Variants in ANKDD1A observed in about 807,000 individuals in gnomAD.
ANKDD1A encodes the protein ankyrin repeat and death domain containing 1A, also known as ankyrin repeat and death domain-containing protein 1A.
In ANKDD1A, 59 loss-of-function variants were observed where a neutral mutation model predicts 63.5. The observed-to-expected ratio is 0.93, with a 90% CI of 0.75 to 1.15. The LOEUF is 1.15. ANKDD1A is among the 50% of genes most tolerant of loss of function. The pLI is 0.00. For missense variants in ANKDD1A, 632 were observed against 656.4 expected, an observed-to-expected ratio of 0.96 and a Z score of 0.41; for synonymous variants, 266 against 263.9, an observed-to-expected ratio of 1.01 and a Z score of -0.08.
rs1277861527 is a variant in ANKDD1A, at chr15:64,945,607, C to CTTATATATATATATAT, written c.1161+860_1161+861insTTATATATATATATAT. Among the ~76,000 whole-genome samples the CTTATATATATATATAT allele has an allele frequency of 1.4e-3, 105 of 73,848 alleles. 9 individuals carry two copies. The highest frequency in any genetic ancestry group is 5.4e-3 in the African/African-American group (87 of 16,188). The allele number at this position is 73,848 out of a possible 152,430, so 48.4% of individuals were successfully genotyped here. A position where few individuals can be genotyped will look rare whatever the true frequency, so the allele number is the denominator to read the frequency against. On this transcript the variant is annotated intron_variant, in intron 12 of 14. Transcript: ENST00000319580. ...TTAGAGGGATTAAATGCATTTTCAA[C>CTTATATATATATATAT]ATATATATATATATATATATATATG...
At chr15:64,951,588 T>TTTC (rs141894830) in intron 14 of ANKDD1A, among the ~76,000 whole-genome samples, 60,512 of 106,662 alleles carry the variant, frequency 0.57, 14,769 homozygotes, top group South Asian at 0.69. Flanking sequence ...TCTTCTTCCT[T>TTTC]TTCTTTCTTC....
chr15:64,950,928 G>A (rs752653784), intron 14 of ANKDD1A: 5 of 1,269,164 alleles, frequency 3.9e-6, no homozygotes, highest in Admixed American at 2.5e-5. Context: ...AGGCAACAGA[G>A]GAAGTAAGAT....
intron 12 of ANKDD1A, among the ~76,000 whole-genome samples, chr15:64,946,965 A>G (rs2085227985): frequency 6.6e-6 from 1 of 152,180 alleles, no homozygotes; most frequent in African/African-American, 2.4e-5. Context: ...TTGTAATCCC[A>G]CCCTTTACTA....
At chr15:64,953,168 CTT>C (rs1743517191) in intron 14 of ANKDD1A, among the ~76,000 whole-genome samples, 40 of 85,968 alleles carry the variant, frequency 4.7e-4, no homozygotes, top group African/African-American at 1.3e-3. Flanking sequence ...TTCTTTCCTT[CTT>C]TTCTTCTTTT....
chr15:64,926,001 A>T, intron 4 of ANKDD1A, 65 bp from the exon 5 acceptor site: 1 of 1,428,712 alleles, frequency 7.0e-7, no homozygotes, highest in Non-Finnish European at 9.7e-7. Flanking sequence ...TGTTTGGGAG[A>T]CTGGCAGTGT....
At position 64,926,885 on chromosome 15, in the gene ANKDD1A, T is replaced by C; in HGVS notation, c.472-16T>C. On this transcript the variant is annotated splice_polypyrimidine_tract_variant and intron_variant, in intron 5 of 14. Coordinates refer to ENST00000319580, the MANE Select transcript of ANKDD1A (RefSeq NM_182703.6). ...ACAGAGTGAGGAAGGCTCACACCGC[T>C]TCTCCTCCCGGCCAGCTGGGGAGGA... 3 of 1,613,926 alleles carry C rather than the reference T, an allele frequency of 1.9e-6. No homozygotes were observed. The South Asian group carries it at 3.3e-5, about 18-fold the overall frequency.
chr15:64,943,721 GCCT>G, intron 11 of ANKDD1A, 139 bp downstream of exon 11: 1 of 780,606 alleles, frequency 1.3e-6, no homozygotes, highest in Non-Finnish European at 2.1e-6. Flanking sequence ...CTCAAATGCA[GCCT>G]CCTCCAGGAA....
rs568359711 is a variant in ANKDD1A, at chr15:64,950,795, G to A, written c.1483+823G>A. ...TGGAAAAGCTAAGACTCATTTCAGG[G>A]TAGAGAGATTAGGGACGCTACCTTT... On this transcript the variant is annotated intron_variant, in intron 14 of 14. Transcript: ENST00000319580. The A allele has an allele frequency of 6.1e-5, 61 of 1,005,590 alleles. No homozygotes were observed. In the South Asian group the frequency reaches 1.7e-3, roughly 28 times the overall value. The allele number at this position is 1,005,590 out of a possible 1,614,324, so 62.3% of individuals were successfully genotyped here.
intron 9 of ANKDD1A, among the ~76,000 whole-genome samples, chr15:64,937,960 T>C (rs1027484916): frequency 2.0e-5 from 3 of 151,880 alleles, no homozygotes; most frequent in Non-Finnish European, 4.4e-5. Context: ...AAAGGAGCAC[T>C]CCATTAAAAA....
intron 14 of ANKDD1A, among the ~76,000 whole-genome samples, chr15:64,953,533 C>CT (rs2085344497): frequency 1.5e-4 from 5 of 32,958 alleles, no homozygotes; most frequent in African/African-American, 4.8e-4. Context: ...TCCTTCTTCT[C>CT]CTCTCCTTCT....
chr15:64,917,573 G>T, intron 3 of ANKDD1A, 59 bp downstream of exon 3: 1 of 1,519,834 alleles, frequency 6.6e-7, no homozygotes, highest in Non-Finnish European at 8.9e-7. Context: ...GATCTCTCTG[G>T]GTCTATGAGC....
At chr15:64,924,777 G>A (rs2085033553) in intron 4 of ANKDD1A, among the ~76,000 whole-genome samples, 1 of 152,132 alleles carries the variant, frequency 6.6e-6, no homozygotes, top group African/African-American at 2.4e-5. Flanking sequence ...TTGGAGAGTA[G>A]TAGCCAAGTA....
chr15:64,954,496 T>TC (rs2085388051), intron 14 of ANKDD1A, among the ~76,000 whole-genome samples: 1 of 139,412 alleles, frequency 7.2e-6, no homozygotes, highest in African/African-American at 2.6e-5. Context: ...TCCTTCTCCT[T>TC]CTTCTTCCTT....
rs2085091262 is a variant in ANKDD1A, at chr15:64,931,552, C to T, written c.735C>T (p.Leu245=). ...ACCCTGACTGTGTGCAGCTCCTCCT[C>T]AGGGCTGGGAGCACCGTGAATGCCC... ...GSHPDCVQLL[L]RAGSTVNALT... is the part of the protein sequence containing the mutation. The change falls in exon 8 of 15, where the codon CTC becomes CTT. Residue 245 remains leucine (L), a synonymous_variant. Coordinates refer to ENST00000319580, the MANE Select transcript of ANKDD1A (RefSeq NM_182703.6). The T allele has an allele frequency of 6.2e-7, 1 of 1,613,964 alleles. No individual in the cohort carries two copies. The highest frequency in any genetic ancestry group is 1.7e-5 in the Admixed American group (1 of 60,006).
chr15:64,951,848 TTC>T (rs771655575), intron 14 of ANKDD1A, among the ~76,000 whole-genome samples: 2,755 of 39,502 alleles, frequency 0.07, 41 homozygotes, highest in Admixed American at 0.16. Context: ...TTCTTTCTTC[TTC>T]TTTCTTCTTC....
Position 64,921,926 on chromosome 15 carries a change from G to A in ANKDD1A, c.273G>A (p.Gly91=). The change falls in exon 4 of 15, where the codon GGG becomes GGA. Residue 91 remains glycine (G), a synonymous_variant. Coordinates refer to ENST00000319580, the MANE Select transcript of ANKDD1A (RefSeq NM_182703.6). ...GALTEARLCF[G]MNALLLSAWF... The stretch of plus-strand genomic sequence containing the variant: ...CTCTATGTCCTCTCCCCTAGTTTGG[G>A]ATGAATGCGCTTCTCCTGTCTGCCT... 1.9e-6 allele frequency: 3 copies of A among 1,614,094 alleles called. No homozygotes were observed. In the South Asian group the frequency reaches 3.3e-5, roughly 18 times the overall value.
chr15:64,945,878 C>T (rs551256571), intron 12 of ANKDD1A, among the ~76,000 whole-genome samples: 5 of 151,524 alleles, frequency 3.3e-5, no homozygotes, highest in Admixed American at 2.6e-4. Context: ...GTGATCTGCC[C>T]ACCTCAGCCT....
intron 6 of ANKDD1A, 121 bp downstream of exon 6, chr15:64,927,120 A>G: frequency 1.0e-6 from 1 of 981,782 alleles, no homozygotes; most frequent in South Asian, 1.4e-5. Flanking sequence ...CGTGTGGCCC[A>G]AAGATGAGAG....
chr15:64,913,706 C>T (rs2084948907), intron 1 of ANKDD1A, among the ~76,000 whole-genome samples: 1 of 152,178 alleles, frequency 6.6e-6, no homozygotes, highest in East Asian at 1.9e-4. Flanking sequence ...TCTAGAAAAA[C>T]AAACTGCATG....
Sources: gnomAD v4.1 joint callset for allele counts (sites outside exome capture counted in the v4.1 genomes callset) on GRCh38, gnomAD v4.1.1 for gene constraint, MANE v1.5 for transcripts, NCBI Gene and HGNC (gene_info 2026-07-23, HGNC 2026-07-21) for gene names.